The following CCNJ variants were observed in gnomAD, a reference collection of about 807,000 sequenced individuals.
CCNJ encodes the protein cyclin J.
In CCNJ, 12 loss-of-function variants were observed where a neutral mutation model predicts 41.4. The observed-to-expected ratio is 0.29, with a 90% CI of 0.19 to 0.47. The LOEUF (loss-of-function observed/expected upper bound fraction) is 0.47. Ranked by LOEUF, CCNJ falls within the 20% of genes least tolerant of loss-of-function variation. The pLI, the probability that CCNJ is intolerant of heterozygous loss-of-function variation, is 1.00. For synonymous variants in CCNJ, 161 were observed against 173.4 expected (o/e 0.93, Z 0.56); for missense variants, 340 against 464.6 (o/e 0.73, Z 2.47).
intron 4 of CCNJ, 34 bp from the exon 5 acceptor site, chr10:96,057,054 C>T: frequency 1.2e-6 from 2 of 1,613,568 alleles, no homozygotes; most frequent in Non-Finnish European, 1.7e-6. Flanking sequence ...CTCGTGTATT[C>T]TGTTCCTTAA....
intron 3 of CCNJ, among the ~76,000 whole-genome samples, 185 bp downstream of exon 3, chr10:96,050,651 G>T (rs2080495529): frequency 6.6e-6 from 1 of 152,050 alleles, no homozygotes; most frequent in Admixed American, 6.5e-5. Context: ...AATGGCTTTG[G>T]AGCCTGTTAA....
At chr10:96,052,880 A>G (rs79567686) in intron 3 of CCNJ, among the ~76,000 whole-genome samples, 1,962 of 152,284 alleles carry the variant, frequency 0.013, 23 homozygotes, top group Non-Finnish European at 0.022. Flanking sequence ...CCTCCCAAGT[A>G]GCAAGTTGTT....
At position 96,058,463 on chromosome 10, in the gene CCNJ, G is replaced by A. The variant is rs906051522; in HGVS notation, c.*222G>A. The A allele has an allele frequency of 3.9e-6, 2 of 514,544 alleles. No homozygotes were observed. The highest frequency in any genetic ancestry group is 3.4e-6 in the Non-Finnish European group (1 of 291,144). 31.9% of individuals were successfully genotyped at this position (514,544 alleles called of 1,614,324 possible). The stretch of plus-strand genomic sequence containing the variant: ...ATTCTGTTACAACAAATCCCTGTAT[G>A]ACAAAAATGTTCAAGTCCTGGCTGA... On this transcript the variant is annotated 3_prime_UTR_variant, in exon 6 of 6. Transcript: ENST00000465148.
rs2142077286 is a variant in CCNJ, at chr10:96,059,544, A to C, written c.*1303A>C. 6.6e-6 allele frequency: 1 copy of C among 152,426 alleles called. No individual in the cohort carries two copies. The highest frequency in any genetic ancestry group is 6.5e-5 in the Admixed American group (1 of 15,306). The allele number at this position is 152,426 out of a possible 1,614,324, so 9.4% of individuals were successfully genotyped here. Reference sequence around the variant, plus strand: ...GAGGAATAACCTTAAAAAGTTAAAAAGTCATTGTAATAACTGATAAACTGT... The same window carrying C: ...GAGGAATAACCTTAAAAAGTTAAAACGTCATTGTAATAACTGATAAACTGT... On this transcript the variant is annotated 3_prime_UTR_variant, in exon 6 of 6. Coordinates refer to ENST00000465148, the MANE Select transcript of CCNJ (RefSeq NM_001134375.2).
At position 96,044,368 on chromosome 10, in the gene CCNJ, T is replaced by C. The variant is rs372491564; in HGVS notation, c.-26T>C. ...TGTCTTACAGACTCGAGTTGCCGCGTCGGGCTGGGCGCGCCGCCGGGTCCC... is the reference window on the plus strand; with the variant it reads ...TGTCTTACAGACTCGAGTTGCCGCGCCGGGCTGGGCGCGCCGCCGGGTCCC... On this transcript the variant is annotated 5_prime_UTR_variant, in exon 2 of 6. Coordinates refer to ENST00000465148, the MANE Select transcript of CCNJ (RefSeq NM_001134375.2). 3.0e-5 allele frequency: 45 copies of C among 1,501,734 alleles called. No individual in the cohort carries two copies. In the African/African-American group the frequency reaches 3.4e-4, roughly 11 times the overall value. 93.0% of individuals were successfully genotyped at this position (1,501,734 alleles called of 1,614,324 possible). A position where few individuals can be genotyped will look rare whatever the true frequency, so the allele number is the denominator to read the frequency against.
chr10:96,056,688 C>G lies in CCNJ; in HGVS notation c.281-13C>G. 6.4e-7 allele frequency: 1 copy of G among 1,567,096 alleles called. No individual in the cohort carries two copies. The highest frequency in any genetic ancestry group is 8.6e-7 in the Non-Finnish European group (1 of 1,158,554). On this transcript the variant is annotated splice_polypyrimidine_tract_variant and intron_variant, in intron 3 of 5. Transcript: ENST00000465148. ...GACATTTTCTCTCCCCTCCCATCCC[C>G]TTTTCTTATAAGGTAAATTTGAAGA...
chr10:96,053,474 A>C (rs1288801807), intron 3 of CCNJ, among the ~76,000 whole-genome samples: 2 of 152,164 alleles, frequency 1.3e-5, no homozygotes, highest in East Asian at 1.9e-4. Context: ...TTTACCCTAA[A>C]GGTTTTGACC....
rs750949195 is a variant in CCNJ, at chr10:96,057,882, C to G, written c.793C>G (p.Pro265Ala). ...EANKQRGQAG[P>A]QSAQLSVFQT... ...AAACAAACAGAGAGGGCAAGCAGGACCTCAGTCAGCGCAACTAAGTGTATT... is the reference window on the plus strand; with the variant it reads ...AAACAAACAGAGAGGGCAAGCAGGAGCTCAGTCAGCGCAACTAAGTGTATT... Residue 265 changes from proline (P) to alanine (A), a missense_variant, in exon 6 of 6, where the codon CCT (proline) becomes GCT (alanine). Coordinates refer to ENST00000465148, the MANE Select transcript of CCNJ (RefSeq NM_001134375.2). 95 of 1,614,008 alleles carry G rather than the reference C, an allele frequency of 5.9e-5. No individual in the cohort carries two copies. Among genetic ancestry groups the G allele is most frequent in the Non-Finnish European group, 7.6e-5 (90 of 1,180,026 alleles).
At position 96,059,203 on chromosome 10, in the gene CCNJ, AG is replaced by A. The variant is rs2080768301; in HGVS notation, c.*965del. 6.6e-6 allele frequency: 1 copy of A among 152,648 alleles called. No homozygotes were observed. The highest frequency in any genetic ancestry group is 1.5e-5 in the Non-Finnish European group (1 of 68,034). The allele number at this position is 152,648 out of a possible 1,614,324, so 9.5% of individuals were successfully genotyped here. ...TCGACATTCTTAAAAAGTTATTTCA[AG>A]GGATGGCATAACTGTAAGAGGTCAG... On this transcript the variant is annotated 3_prime_UTR_variant, in exon 6 of 6. Transcript: ENST00000465148.
At chr10:96,047,370 G>C (rs1186971755) in intron 2 of CCNJ, among the ~76,000 whole-genome samples, 1 of 152,170 alleles carries the variant, frequency 6.6e-6, no homozygotes, top group African/African-American at 2.4e-5. Flanking sequence ...TTTTTGGCCA[G>C]GCATGGTGGC....
chr10:96,043,709 C>T lies in CCNJ; in HGVS notation c.-52C>T, dbSNP rs1299034286. On this transcript the variant is annotated 5_prime_UTR_variant, in exon 1 of 6. Coordinates refer to ENST00000465148, the MANE Select transcript of CCNJ (RefSeq NM_001134375.2). ...ACGGCGGGGCTGGGGCTGTGAGGGC[C>T]GCGGTTCCGGGTAAGGGAGCCAGCG... is the stretch of plus-strand genomic sequence containing the variant. 4 of 392,710 alleles carry T rather than the reference C, an allele frequency of 1.0e-5. No homozygotes were observed. Among genetic ancestry groups the T allele is most frequent in the African/African-American group, 8.3e-5 (4 of 48,404 alleles). 24.3% of individuals were successfully genotyped at this position (392,710 alleles called of 1,614,324 possible). A position where few individuals can be genotyped will look rare whatever the true frequency, so the allele number is the denominator to read the frequency against.
rs748980326 is a variant in CCNJ at position 96,056,900 on chromosome 10, C to T, written c.480C>T (p.His160=). The T allele has an allele frequency of 5.0e-6, 8 of 1,614,078 alleles. No homozygotes were observed. The Admixed American group carries it at 5.0e-5, about 10-fold the overall frequency. The change falls in exon 4 of 6, where the codon CAC becomes CAT. Residue 160 remains histidine (H), a synonymous_variant. Coordinates refer to ENST00000465148, the MANE Select transcript of CCNJ (RefSeq NM_001134375.2). ...FIEYYLSEAV[H]ETDLHDGWPM... Reference sequence around the variant, plus strand: ...AGTATTATCTCTCTGAAGCAGTACACGAAACAGATCTTCATGACGGCTGGC... The same window carrying T: ...AGTATTATCTCTCTGAAGCAGTACATGAAACAGATCTTCATGACGGCTGGC...
At chr10:96,043,912 G>A (rs953830061) in intron 1 of CCNJ, among the ~76,000 whole-genome samples, 193 bp downstream of exon 1, 5 of 152,216 alleles carry the variant, frequency 3.3e-5, no homozygotes, top group Non-Finnish European at 7.3e-5. Context: ...GAGACCCGCG[G>A]CCAGGCAGAC....
chr10:96,050,494 G>A, intron 3 of CCNJ, 28 bp downstream of exon 3: 1 of 1,490,526 alleles, frequency 6.7e-7, no homozygotes, highest in Non-Finnish European at 9.4e-7. Context: ...TTACATGACT[G>A]GAAATTTCTG....
At chr10:96,043,078 G>C (rs2080259955), upstream of CCNJ, among the ~76,000 whole-genome samples, 1 of 152,146 alleles carries the variant, frequency 6.6e-6, no homozygotes, top group Non-Finnish European at 1.5e-5. Context: ...ACATTTGGAG[G>C]GCCTGATGAT....
Position 96,056,915 on chromosome 10 carries a change from T to C in CCNJ, c.495T>C (p.His165=). 1 of 1,614,228 alleles carries C rather than the reference T, an allele frequency of 6.2e-7. No homozygotes were observed. The highest frequency in any genetic ancestry group is 2.2e-5 in the East Asian group (1 of 44,890). The part of the protein sequence containing the change: ...LSEAVHETDL[H]DGWPMICLEK... ...AAGCAGTACACGAAACAGATCTTCA[T>C]GACGGCTGGCCAATGATTTGCTTGG... The change falls in exon 4 of 6, where the codon CAT becomes CAC. Residue 165 remains histidine (H), a synonymous_variant. Transcript: ENST00000465148.
chr10:96,050,803 T>C lies in CCNJ; in HGVS notation c.280+337T>C, dbSNP rs1044333808. On this transcript the variant is annotated intron_variant, in intron 3 of 5. Transcript: ENST00000465148. Reference sequence around the variant, plus strand: ...TTACCTTTCCAATTGAGAACCATTGTCTTAAAGCAGTGGTTCTAAACCAGG... The same window carrying C: ...TTACCTTTCCAATTGAGAACCATTGCCTTAAAGCAGTGGTTCTAAACCAGG... 7.2e-5 allele frequency among the ~76,000 whole-genome samples: 11 copies of C among 152,236 alleles called. No homozygotes were observed. In the East Asian group the frequency reaches 7.7e-4, roughly 11 times the overall value.
rs754347668 is a variant in CCNJ, at chr10:96,050,411, T to C, written c.225T>C (p.Tyr75=). ...VYLLDLFMDR[Y]DISIQQLHLV... Reference sequence around the variant, plus strand: ...TACTGGACCTGTTTATGGACCGCTATGACATCTCTATCCAGCAGCTGCATT... The same window carrying C: ...TACTGGACCTGTTTATGGACCGCTACGACATCTCTATCCAGCAGCTGCATT... The change falls in exon 3 of 6, where the codon TAT becomes TAC. Residue 75 remains tyrosine, a synonymous_variant. Transcript: ENST00000465148. 1 of 1,614,156 alleles carries C rather than the reference T, an allele frequency of 6.2e-7. No individual in the cohort carries two copies. The highest frequency in any genetic ancestry group is 2.2e-5 in the East Asian group (1 of 44,884).
intron 3 of CCNJ, among the ~76,000 whole-genome samples, chr10:96,056,202 G>A (rs929769085): frequency 1.3e-4 from 19 of 151,726 alleles, no homozygotes; most frequent in Non-Finnish European, 2.1e-4. Flanking sequence ...CCAGCTACTC[G>A]GGAGGCTGAG....
Sources: allele counts gnomAD v4.1 joint callset (sites outside exome capture counted in the v4.1 genomes callset), GRCh38; gene constraint gnomAD v4.1.1; transcripts MANE v1.5; gene names NCBI Gene and HGNC (gene_info 2026-07-23, HGNC 2026-07-21).